GASK1A: variants seen among roughly 807,000 people sequenced by gnomAD.
GASK1A encodes golgi associated kinase 1A.
Under a neutral mutation model 41.2 loss-of-function variants are expected in GASK1A, and 40 were observed. The ratio of observed to expected loss-of-function variants is 0.97; its 90% CI spans 0.75 to 1.27. GASK1A has a LOEUF of 1.27. Among genes scored for constraint, GASK1A ranks in the 50% most tolerant of loss-of-function variants. The probability of loss-of-function intolerance (pLI) is 0.00; values close to 1 mark genes in which losing one functional copy is unlikely to be tolerated. For synonymous variants in GASK1A, 316 were observed against 307.1 expected, an observed-to-expected ratio of 1.03 and a Z score of -0.30; for missense variants, 678 against 745.1, an observed-to-expected ratio of 0.91 and a Z score of 1.05.
At chr3:43,012,617 G>A (rs2089469158) in intron 1 of GASK1A, among the ~76,000 whole-genome samples, 1 of 148,596 alleles carries the variant, frequency 6.7e-6, no homozygotes, top group Non-Finnish European at 1.5e-5. Context: ...GAAGTCACAG[G>A]AAGGGAAGTG....
At chr3:43,037,274 A>C (rs1250695275) in intron 2 of GASK1A, 2 of 920,574 alleles carry the variant, frequency 2.2e-6, no homozygotes, top group African/African-American at 3.2e-5. Flanking sequence ...AGGAGAAGCC[A>C]ACTCCCCAGA....
chr3:43,039,393 C>T (rs538267594), intron 2 of GASK1A, among the ~76,000 whole-genome samples: 5 of 152,046 alleles, frequency 3.3e-5, no homozygotes, highest in South Asian at 2.1e-4. Flanking sequence ...AGTAGAGACA[C>T]GGTTTTGCCA....
At chr3:43,023,603 T>C (rs2089532365) in intron 1 of GASK1A, among the ~76,000 whole-genome samples, 1 of 152,222 alleles carries the variant, frequency 6.6e-6, no homozygotes, top group African/African-American at 2.4e-5. Flanking sequence ...TATGGGTTTT[T>C]AACAGTGCAT....
At chr3:42,995,155 G>C (rs866573505) in intron 1 of GASK1A, among the ~76,000 whole-genome samples, 1 of 152,244 alleles carries the variant, frequency 6.6e-6, no homozygotes, top group Non-Finnish European at 1.5e-5. Flanking sequence ...TGGGCTGGGT[G>C]TAACGAAAAC....
intron 2 of GASK1A, among the ~76,000 whole-genome samples, chr3:43,038,338 C>T (rs757479335): frequency 6.6e-6 from 1 of 152,106 alleles, no homozygotes; most frequent in Non-Finnish European, 1.5e-5. Context: ...ATTTGCAAAA[C>T]AAAAATACTA....
At chr3:43,022,527 C>T (rs890505294) in intron 1 of GASK1A, among the ~76,000 whole-genome samples, 17 of 151,918 alleles carry the variant, frequency 1.1e-4, no homozygotes, top group Non-Finnish European at 4.4e-5. Flanking sequence ...TGTCCATGGC[C>T]ATTTCCCCTT....
rs147969818 is a variant in GASK1A at position 43,047,371 on chromosome 3, C to T, written c.1291-6150C>T. Reference sequence around the variant, plus strand: ...GTGATTTAAAATGAACTCTCTAACCCTGTCCTAGCCAACATTTTTATTAGT... The same window carrying T: ...GTGATTTAAAATGAACTCTCTAACCTTGTCCTAGCCAACATTTTTATTAGT... On this transcript the variant is annotated intron_variant, in intron 2 of 4. Coordinates refer to ENST00000430121, the MANE Select transcript of GASK1A (RefSeq NM_001129908.3). Among the ~76,000 whole-genome samples the T allele has an allele frequency of 2.9e-3, 440 of 152,360 alleles. 4 individuals are homozygous for T. Among genetic ancestry groups the T allele is most frequent in the African/African-American group, 0.01 (424 of 41,592 alleles).
chr3:42,999,231 A>G (rs933913232), intron 1 of GASK1A, among the ~76,000 whole-genome samples: 16 of 152,164 alleles, frequency 1.1e-4, no homozygotes, highest in Non-Finnish European at 1.5e-4. Flanking sequence ...AATGAAGCCA[A>G]TTTGGAAGGC....
chr3:42,998,681 C>T (rs1277439114), intron 1 of GASK1A, among the ~76,000 whole-genome samples: 4 of 152,148 alleles, frequency 2.6e-5, no homozygotes, highest in African/African-American at 4.8e-5. Context: ...CTATGACAGA[C>T]GGCCCTGTGT....
intron 1 of GASK1A, among the ~76,000 whole-genome samples, chr3:43,018,517 T>G (rs2089505898): frequency 6.6e-6 from 1 of 152,104 alleles, no homozygotes; most frequent in African/African-American, 2.4e-5. Flanking sequence ...TAGACTAATT[T>G]AAGGATAACA....
intron 2 of GASK1A, among the ~76,000 whole-genome samples, chr3:43,034,408 TTAC>T (rs2089595075): frequency 1.3e-5 from 2 of 152,192 alleles, no homozygotes; most frequent in South Asian, 4.1e-4. Flanking sequence ...CACCAGCTAT[TTAC>T]TAACTTGTCT....
intron 2 of GASK1A, among the ~76,000 whole-genome samples, chr3:43,034,922 T>C (rs1413643764): frequency 1.3e-5 from 2 of 152,162 alleles, no homozygotes; most frequent in Non-Finnish European, 2.9e-5. Context: ...CCCGGCCTCT[T>C]GAATGTTACC....
At chr3:43,044,091 A>G (rs2089650194) in intron 2 of GASK1A, among the ~76,000 whole-genome samples, 1 of 152,214 alleles carries the variant, frequency 6.6e-6, no homozygotes, top group Non-Finnish European at 1.5e-5. Flanking sequence ...TGCAAGTTTA[A>G]ATCTGCACAG....
chr3:43,040,068 G>A (rs1337086766), intron 2 of GASK1A, among the ~76,000 whole-genome samples: 2 of 151,974 alleles, frequency 1.3e-5, no homozygotes, highest in South Asian at 2.1e-4. Flanking sequence ...TTTTACGTTC[G>A]TGTGTTATAT....
chr3:43,040,885 C>CCG lies in GASK1A; in HGVS notation c.1290+7333_1290+7334insGC, dbSNP rs1435634513. The stretch of plus-strand genomic sequence containing the variant: ...CTCCCAATGCTATCCCTCCCCCCCG[C>CCG]CACAACAGTCCGCAGAGTGTGATGT... On this transcript the variant is annotated intron_variant, in intron 2 of 4. Transcript: ENST00000430121. 1.5e-4 allele frequency among the ~76,000 whole-genome samples: 20 copies of CCG among 131,302 alleles called. 3 individuals carry two copies. Among genetic ancestry groups the CCG allele is most frequent in the Non-Finnish European group, 1.9e-4 (11 of 57,320 alleles). 86.1% of individuals were successfully genotyped at this position (131,302 alleles called of 152,430 possible).
chr3:43,034,982 T>C (rs548513317), intron 2 of GASK1A, among the ~76,000 whole-genome samples: 2 of 152,298 alleles, frequency 1.3e-5, no homozygotes, highest in African/African-American at 4.8e-5. Context: ...CTAGCTGATC[T>C]CCTGTCGTCC....
chr3:43,044,664 C>T (rs187852032), intron 2 of GASK1A, among the ~76,000 whole-genome samples: 19 of 152,236 alleles, frequency 1.2e-4, no homozygotes, highest in African/African-American at 3.6e-4. Flanking sequence ...CAAACTAAAC[C>T]GTGGCCCACA....
chr3:43,009,352 G>T, intron 1 of GASK1A, among the ~76,000 whole-genome samples: 1 of 152,166 alleles, frequency 6.6e-6, no homozygotes, highest in Non-Finnish European at 1.5e-5. Flanking sequence ...GTATTTCTCA[G>T]GTCTTTAAAA....
chr3:43,003,427 G>A lies in GASK1A; in HGVS notation c.3+23782G>A, dbSNP rs555982970. On this transcript the variant is annotated intron_variant, in intron 1 of 4. Transcript: ENST00000430121. ...GGAGAATTGCTTGAACCAGGGAGAC[G>A]GAGGTTGCAGTGAGCCAAGATCGCA... Among the ~76,000 whole-genome samples, 11 of 151,808 alleles carry A rather than the reference G, an allele frequency of 7.2e-5. No individual in the cohort carries two copies. In the East Asian group the frequency reaches 1.2e-3, roughly 16 times the overall value.
Sources: gnomAD v4.1 joint callset for allele counts (sites outside exome capture counted in the v4.1 genomes callset) on GRCh38, gnomAD v4.1.1 for gene constraint, MANE v1.5 for transcripts, NCBI Gene and HGNC (gene_info 2026-07-23, HGNC 2026-07-21) for gene names.